The following KCNN2 variants were observed in gnomAD, a reference collection of about 807,000 sequenced individuals.
KCNN2 encodes small conductance calcium-activated potassium channel protein 2.
In KCNN2, 24 loss-of-function variants were observed where a neutral mutation model predicts 55.5. That is an observed-to-expected ratio of 0.43 (90% CI 0.31 to 0.61). The LOEUF is 0.61. Among genes scored for constraint, KCNN2 ranks in the 20% least tolerant of loss-of-function variants. The pLI is 0.08. For missense variants in KCNN2, 754 were observed against 853.6 expected (o/e 0.88, Z 1.45); for synonymous variants, 431 against 336.1 (o/e 1.28, Z -3.09).
Position 114,404,454 on chromosome 5 carries a change from A to G in KCNN2, c.1235A>G (p.Asn412Ser), listed in dbSNP as rs139630306. 5.6e-6 allele frequency: 9 copies of G among 1,612,720 alleles called. No homozygotes were observed. The highest frequency in any genetic ancestry group is 4.5e-5 in the East Asian group (2 of 44,868). The change falls in exon 3 of 8, where the codon AAT (asparagine) becomes AGT (serine). Residue 412 changes from asparagine to serine, a missense_variant. Asn to Ser is a conservative substitution (Grantham distance 46, BLOSUM62 1). Around this residue, in one of 4 missense-constraint regions of KCNN2, gnomAD observed 123 missense variants for 204.9 expected, o/e 0.60. Coordinates refer to ENST00000673685, the MANE Select transcript of KCNN2 (RefSeq NM_021614.4). ...TTTTTTCAGTTGTTCATGGTGGACA[A>G]TGGAGCAGATGACTGGAGAATAGCC... ...AREIQLFMVD[N>S]GADDWRIAMT... is the part of the protein sequence containing the mutation.
Position 114,363,925 on chromosome 5 carries a change from C to G in KCNN2, c.1142C>G (p.Ala381Gly). The change falls in exon 2 of 8, where the codon GCT becomes GGT. Residue 381 changes from alanine to glycine, a missense_variant. Around this residue, in one of 4 missense-constraint regions of KCNN2, gnomAD observed 123 missense variants for 204.9 expected, o/e 0.60. Transcript: ENST00000673685. ...TTGCAGGCGTCGCTGTATTCCTTAG[C>G]TCTGAAATGCCTTATCAGTCTCTCC... Reference protein sequence around the residue: ...AYDKASLYSLALKCLISLSTI... With the variant: ...AYDKASLYSLGLKCLISLSTI... 1 of 1,613,896 alleles carries G rather than the reference C, an allele frequency of 6.2e-7. No homozygotes were observed.
chr5:114,087,131 T>C (rs1751033380), intron 1 of KCNN2, among the ~76,000 whole-genome samples: 1 of 152,140 alleles, frequency 6.6e-6, no homozygotes, highest in Admixed American at 6.6e-5. Flanking sequence ...TATTTGTTTG[T>C]TCCTTATTGA....
intron 2 of KCNN2, among the ~76,000 whole-genome samples, chr5:114,290,372 A>G (rs1210599561): frequency 1.3e-5 from 2 of 152,050 alleles, no homozygotes; most frequent in African/African-American, 4.8e-5. Context: ...TAGTATATAG[A>G]ATTTGTTGGC....
At chr5:114,257,797 A>G (rs1755013588) in intron 2 of KCNN2, among the ~76,000 whole-genome samples, 1 of 152,100 alleles carries the variant, frequency 6.6e-6, no homozygotes, top group Non-Finnish European at 1.5e-5. Context: ...ATCAGCAGAG[A>G]TAATTTTACT....
chr5:114,096,066 G>A (rs1311680102), intron 1 of KCNN2, among the ~76,000 whole-genome samples: 1 of 152,114 alleles, frequency 6.6e-6, no homozygotes, highest in Non-Finnish European at 1.5e-5. Flanking sequence ...CACAGGTTGA[G>A]ATCACTGTCC....
At position 114,363,126 on chromosome 5, in the gene KCNN2, C is replaced by T; in HGVS notation, c.987C>T (p.Ile329=). The T allele has an allele frequency of 1.2e-6, 2 of 1,613,454 alleles. No homozygotes were observed. Among genetic ancestry groups the T allele is most frequent in the East Asian group, 2.2e-5 (1 of 44,866 alleles). ...CCAGCAAAAAGAAAAACCAGAACAT[C>T]GGCTACAAGCTGGGCCACCGGCGCG... is the stretch of plus-strand genomic sequence containing the variant. ...TKSSKKKNQN[I]GYKLGHRRAL... is the part of the protein sequence containing the mutation. The change falls in exon 1 of 8, where the codon ATC becomes ATT. Residue 329 remains isoleucine, a synonymous_variant. Transcript: ENST00000673685.
At chr5:114,254,259 T>A (rs4484419) in intron 2 of KCNN2, among the ~76,000 whole-genome samples, 105,652 of 151,770 alleles carry the variant, frequency 0.7, 37,077 homozygotes, top group Middle Eastern at 0.8. Context: ...CTATTTTTTT[T>A]AAAAAAATAA....
chr5:114,323,861 A>C (rs771567413), intron 2 of KCNN2, among the ~76,000 whole-genome samples: 6 of 151,692 alleles, frequency 4.0e-5, no homozygotes, highest in East Asian at 1.9e-4. Context: ...GTTGGCCAGG[A>C]TGGTCTTAAT....
At chr5:114,068,190 T>G (rs918535230) in intron 1 of KCNN2, among the ~76,000 whole-genome samples, 1 of 152,236 alleles carries the variant, frequency 6.6e-6, no homozygotes, top group African/African-American at 2.4e-5. Context: ...TAACAAATAC[T>G]TTTCTATAAC....
intron 1 of KCNN2, among the ~76,000 whole-genome samples, chr5:114,173,723 T>C (rs1052759795): frequency 2.6e-5 from 4 of 151,718 alleles, no homozygotes; most frequent in Non-Finnish European, 2.9e-5. Flanking sequence ...TGTTAATTCC[T>C]ACATATTTAA....
chr5:114,203,967 C>T (rs1248771200), intron 1 of KCNN2, among the ~76,000 whole-genome samples: 1 of 152,160 alleles, frequency 6.6e-6, no homozygotes, highest in Non-Finnish European at 1.5e-5. Flanking sequence ...GAAAATGAAT[C>T]CCTGATTTCA....
chr5:114,220,108 T>G (rs1198717565), intron 1 of KCNN2, among the ~76,000 whole-genome samples: 2 of 152,306 alleles, frequency 1.3e-5, no homozygotes, highest in East Asian at 3.9e-4. Flanking sequence ...CTTCGGACTG[T>G]GTAATTAGAA....
At chr5:114,218,282 A>G (rs1020170555) in intron 1 of KCNN2, among the ~76,000 whole-genome samples, 8 of 152,228 alleles carry the variant, frequency 5.3e-5, no homozygotes, top group African/African-American at 1.9e-4. Context: ...AAACCTGCAC[A>G]TGGATGTTTA....
rs185783949 is a variant in KCNN2, at chr5:114,223,560, G to A, written c.-185+1995G>A. Among the ~76,000 whole-genome samples, 773 of 152,294 alleles carry A rather than the reference G, an allele frequency of 5.1e-3. 9 individuals carry two copies. The highest frequency in any genetic ancestry group is 0.018 in the African/African-American group (751 of 41,584). ...ACAGACAGCCAAAATAGACAGGGAA[G>A]TGTATTTTTCAGAGTCCAGTTAGGC... On this transcript the variant is annotated intron_variant, in intron 2 of 10. Coordinates refer to the KCNN2 transcript ENST00000512097.
intron 1 of KCNN2, among the ~76,000 whole-genome samples, chr5:114,201,579 C>T (rs147087059): frequency 1.0e-3 from 159 of 152,206 alleles, no homozygotes; most frequent in African/African-American, 3.7e-3. Flanking sequence ...AATGTGGCTG[C>T]CCTGTCCCTC....
chr5:114,291,057 T>C (rs757794393), intron 2 of KCNN2, among the ~76,000 whole-genome samples: 6 of 152,134 alleles, frequency 3.9e-5, no homozygotes, highest in Admixed American at 1.3e-4. Context: ...GCTAGAATTG[T>C]GTTTTTGTGC....
chr5:114,316,251 T>C (rs532537811), intron 2 of KCNN2, among the ~76,000 whole-genome samples: 1 of 152,238 alleles, frequency 6.6e-6, no homozygotes, highest in African/African-American at 2.4e-5. Flanking sequence ...TTTTTAGTAA[T>C]AATTTTTCCC....
At chr5:114,448,077 T>C (rs1355331347) in intron 3 of KCNN2, among the ~76,000 whole-genome samples, 2 of 152,206 alleles carry the variant, frequency 1.3e-5, no homozygotes, top group Non-Finnish European at 2.9e-5. Context: ...TTTGGGGTTT[T>C]CGTGATTTAT....
Position 114,370,818 on chromosome 5 carries a change from G to A in KCNN2, c.1218+6817G>A, listed in dbSNP as rs563173005. 5.3e-5 allele frequency among the ~76,000 whole-genome samples: 8 copies of A among 152,100 alleles called. No homozygotes were observed. The East Asian group carries it at 9.7e-4, about 18-fold the overall frequency. On this transcript the variant is annotated intron_variant, in intron 2 of 7. Coordinates refer to ENST00000673685, the MANE Select transcript of KCNN2 (RefSeq NM_021614.4). ...ACCATTGTAAGGATTTATGGATTCC[G>A]CCCCCCACCCCTCCCACATGCAGTG...
Sources: gnomAD v4.1 joint callset for allele counts (sites outside exome capture counted in the v4.1 genomes callset) on GRCh38, gnomAD v4.1.1 for gene constraint, gnomAD v4.1.1 regional missense constraint, MANE v1.5 for transcripts, NCBI Gene and HGNC (gene_info 2026-07-23, HGNC 2026-07-21) for gene names.